ZC3H8: variants seen among roughly 807,000 people sequenced by gnomAD.
The protein encoded by ZC3H8 is zinc finger CCCH-type containing 8, also known as zinc finger CCCH domain-containing protein 8.
A neutral mutation model predicts 42.5 loss-of-function variants in ZC3H8; 27 were observed. The observed-to-expected ratio is 0.64, with a 90% CI of 0.47 to 0.88. The LOEUF (loss-of-function observed/expected upper bound fraction) is 0.88, where lower values mean the gene tolerates loss of function less well. Ranked by LOEUF, ZC3H8 falls within the 40% of genes least tolerant of loss-of-function variation. The probability of loss-of-function intolerance (pLI) is 0.00; values close to 1 mark genes in which losing one functional copy is unlikely to be tolerated. For missense variants in ZC3H8, 277 were observed against 336.1 expected, an observed-to-expected ratio of 0.82 and a Z score of 1.37; for synonymous variants, 101 against 110.1, an observed-to-expected ratio of 0.92 and a Z score of 0.52.
At chr2:112,220,152 A>G (rs1253804987) in intron 8 of ZC3H8, among the ~76,000 whole-genome samples, 1 of 152,202 alleles carries the variant, frequency 6.6e-6, no homozygotes, top group Non-Finnish European at 1.5e-5. Flanking sequence ...TTTACATTCA[A>G]GGTTAGTATT....
At chr2:112,219,831 C>T (rs187051456) in intron 8 of ZC3H8, among the ~76,000 whole-genome samples, 1 of 152,184 alleles carries the variant, frequency 6.6e-6, no homozygotes, top group East Asian at 1.9e-4. Flanking sequence ...TTGTTACTTT[C>T]CTACCTCAAC....
chr2:112,238,251 T>C, intron 3 of ZC3H8, 64 bp downstream of exon 3: 2 of 1,506,974 alleles, frequency 1.3e-6, no homozygotes, highest in East Asian at 4.5e-5. Context: ...CCTCTGTCCG[T>C]ATATGGACAA....
At chr2:112,240,952 AGTGTGTGTGT>A (rs67273091) in intron 2 of ZC3H8, among the ~76,000 whole-genome samples, 29 of 142,714 alleles carry the variant, frequency 2.0e-4, no homozygotes, top group East Asian at 1.0e-3. Context: ...TACAGGTAAC[AGTGTGTGTGT>A]GTGTGTGTGT....
At chr2:112,238,670 C>A in intron 2 of ZC3H8, 142 bp from the exon 3 acceptor site, 1 of 527,970 alleles carries the variant, frequency 1.9e-6, no homozygotes, top group Non-Finnish European at 3.1e-6. Context: ...ACTATTCTCT[C>A]CACTCATATA....
intron 2 of ZC3H8, among the ~76,000 whole-genome samples, chr2:112,242,506 T>C (rs1394664081): frequency 2.0e-5 from 3 of 152,236 alleles, no homozygotes; most frequent in Non-Finnish European, 4.4e-5. Flanking sequence ...AGTGCTTCAT[T>C]GAGTACCTCA....
intron 8 of ZC3H8, chr2:112,230,635 T>C (rs1000565640): frequency 5.4e-6 from 1 of 186,800 alleles, no homozygotes; most frequent in African/African-American, 2.4e-5. Flanking sequence ...AAACTAAATA[T>C]ATTGTTTTGT....
At chr2:112,247,071 T>C (rs1241255054) in intron 2 of ZC3H8, among the ~76,000 whole-genome samples, 1 of 152,238 alleles carries the variant, frequency 6.6e-6, no homozygotes, top group Non-Finnish European at 1.5e-5. Context: ...TTAAGATATA[T>C]ACTGTTTTCT....
At chr2:112,225,840 G>A (rs1297567600) in intron 8 of ZC3H8, among the ~76,000 whole-genome samples, 5 of 151,272 alleles carry the variant, frequency 3.3e-5, no homozygotes, top group African/African-American at 7.3e-5. Context: ...CCAGCACTTC[G>A]GGAGGCCAAG....
intron 2 of ZC3H8, 21 bp downstream of exon 2, chr2:112,250,170 C>T (rs1220708430): frequency 2.0e-6 from 3 of 1,529,914 alleles, no homozygotes; most frequent in South Asian, 1.3e-5. Context: ...TCAACTTAAA[C>T]AGTGGTCAAC....
chr2:112,233,251 A>G lies in ZC3H8; in HGVS notation c.733+9T>C. ...TTATAAAGTCACCATATCTTGTGAT[A>G]AAGGATATTATGCAAATACAGACAG... On this transcript the variant is annotated intron_variant, in intron 6 of 8. Transcript: ENST00000409573. The G allele has an allele frequency of 6.6e-7, 1 of 1,508,820 alleles. No homozygotes were observed. Among genetic ancestry groups the G allele is most frequent in the Non-Finnish European group, 9.0e-7 (1 of 1,112,784 alleles). The allele number at this position is 1,508,820 out of a possible 1,614,324, so 93.5% of individuals were successfully genotyped here.
chr2:112,215,907 TAGTA>T lies in ZC3H8; in HGVS notation c.*573_*576del, dbSNP rs1684301667. The T allele has an allele frequency of 2.6e-5, 4 of 152,204 alleles. No individual in the cohort carries two copies. Among genetic ancestry groups the T allele is most frequent in the Admixed American group, 1.3e-4 (2 of 15,278 alleles). 9.4% of individuals were successfully genotyped at this position (152,204 alleles called of 1,614,324 possible). On this transcript the variant is annotated 3_prime_UTR_variant, in exon 9 of 9. Coordinates refer to ENST00000409573, the MANE Select transcript of ZC3H8 (RefSeq NM_032494.3). ...AGATATTGTTTCACTTTATTTATAATAGTAAGAAACTGGAAACAAATGTCTAACA... is the reference window on the plus strand; with the variant it reads ...AGATATTGTTTCACTTTATTTATAATAGAAACTGGAAACAAATGTCTAACA...
chr2:112,236,213 G>A (rs894910394), intron 4 of ZC3H8, among the ~76,000 whole-genome samples: 2 of 152,206 alleles, frequency 1.3e-5, no homozygotes, highest in East Asian at 1.9e-4. Flanking sequence ...GCAGTGAGCC[G>A]AGATCGCACC....
chr2:112,236,740 A>G, intron 3 of ZC3H8, 45 bp from the exon 4 acceptor site: 1 of 1,526,454 alleles, frequency 6.6e-7, no homozygotes, highest in Non-Finnish European at 8.9e-7. Flanking sequence ...AAGTTACAAT[A>G]GCAGTTTACT....
intron 4 of ZC3H8, among the ~76,000 whole-genome samples, chr2:112,236,121 G>A (rs1328343933): frequency 3.3e-5 from 5 of 151,790 alleles, no homozygotes; most frequent in Non-Finnish European, 7.4e-5. Context: ...AAAATTAGCC[G>A]GGCATGGTGG....
intron 2 of ZC3H8, among the ~76,000 whole-genome samples, chr2:112,246,266 A>C (rs1163069072): frequency 6.6e-6 from 1 of 152,228 alleles, no homozygotes. Flanking sequence ...CAAACACAAC[A>C]ACCATTCTGC....
chr2:112,254,192 T>C, intron 1 of ZC3H8: 2 of 973,856 alleles, frequency 2.1e-6, no homozygotes, highest in Non-Finnish European at 2.4e-6. Flanking sequence ...ACTGGAAATA[T>C]ATCTCAGTTG....
At chr2:112,221,927 A>G (rs1684606773) in intron 8 of ZC3H8, among the ~76,000 whole-genome samples, 1 of 152,200 alleles carries the variant, frequency 6.6e-6, no homozygotes, top group African/African-American at 2.4e-5. Context: ...TTTGGAGGTA[A>G]GAAGGCACTC....
intron 8 of ZC3H8, among the ~76,000 whole-genome samples, chr2:112,217,352 G>T (rs1684370874): frequency 1.3e-5 from 2 of 151,984 alleles, no homozygotes; most frequent in Non-Finnish European, 2.9e-5. Flanking sequence ...AAGCCTGGGT[G>T]ACTCCATCTC....
intron 3 of ZC3H8, among the ~76,000 whole-genome samples, chr2:112,237,364 T>C (rs1685380972): frequency 6.6e-6 from 1 of 152,184 alleles, no homozygotes; most frequent in African/African-American, 2.4e-5. Flanking sequence ...CTTTAAGTGT[T>C]TACAATGACC....
Sources: gnomAD v4.1 joint callset for allele counts (sites outside exome capture counted in the v4.1 genomes callset) on GRCh38, gnomAD v4.1.1 for gene constraint, MANE v1.5 for transcripts, NCBI Gene and HGNC (gene_info 2026-07-23, HGNC 2026-07-21) for gene names.